FAAH2: variants seen among roughly 807,000 people sequenced by gnomAD.
FAAH2 encodes the protein fatty acid amide hydrolase 2.
A neutral mutation model predicts 36.9 loss-of-function variants in FAAH2; 60 were observed. The observed-to-expected ratio is 1.63, with a 90% CI of 1.32 to 2.02. The LOEUF is 2.02. Ranked by LOEUF, FAAH2 falls within the 30% of genes most tolerant of loss-of-function variation. FAAH2 has a pLI of 0.00. For synonymous variants in FAAH2, 214 were observed against 143.8 expected (o/e 1.49, Z -3.49); for missense variants, 689 against 397.5 (o/e 1.73, Z -6.23).
chrX:57,258,264 C>T, the FAAH2 span, among the ~76,000 whole-genome samples: 1 of 111,035 alleles, frequency 9.0e-6, no homozygotes, highest in Non-Finnish European at 1.9e-5. Context: ...AAACTGGATC[C>T]TTATCACAAA....
chrX:57,154,934 G>C, the FAAH2 span, among the ~76,000 whole-genome samples: 1 of 110,528 alleles, frequency 9.0e-6, no homozygotes, highest in Non-Finnish European at 1.9e-5. Context: ...TGTAGTGATC[G>C]TTATTTCTCT....
At chrX:57,403,570 G>T (rs2055492864) in intron 7 of FAAH2, among the ~76,000 whole-genome samples, 1 of 112,878 alleles carries the variant, frequency 8.9e-6, no homozygotes, top group Middle Eastern at 4.2e-3. Flanking sequence ...TTCAGAGAGG[G>T]TGTGGGTAAC....
the FAAH2 span, among the ~76,000 whole-genome samples, chrX:57,258,709 CT>C: frequency 0.018 from 1,561 of 87,764 alleles, 30 homozygotes; most frequent in African/African-American, 0.052. Context: ...TTTTTGTTGC[CT>C]TTTTTTTTTT....
chrX:57,290,512 C>T (rs1217016387), intron 1 of FAAH2, among the ~76,000 whole-genome samples: 1 of 111,377 alleles, frequency 9.0e-6, no homozygotes, highest in East Asian at 2.8e-4. Flanking sequence ...ATAAATCTCC[C>T]CTGTATCTAT....
At position 57,438,422 on chromosome X, in the gene FAAH2, G is replaced by A. The variant is rs1310751909; in HGVS notation, c.1116+6385G>A. Reference sequence around the variant, plus strand: ...ATCAGTAAAACTACAAAATGCTGATGAAAGAAAAAGTAGATGACACAAATA... The same window carrying A: ...ATCAGTAAAACTACAAAATGCTGATAAAAGAAAAAGTAGATGACACAAATA... On this transcript the variant is annotated intron_variant, in intron 8 of 10. Coordinates refer to ENST00000374900, the MANE Select transcript of FAAH2 (RefSeq NM_174912.4). Among the ~76,000 whole-genome samples the A allele has an allele frequency of 1.6e-4, 17 of 106,145 alleles. No individual in the cohort carries two copies. In the Admixed American group the frequency reaches 1.7e-3, roughly 11 times the overall value. The allele number at this position is 106,145 out of a possible 115,157, so 92.2% of individuals were successfully genotyped here.
chrX:57,273,036 C>T, the FAAH2 span, among the ~76,000 whole-genome samples: 1 of 111,691 alleles, frequency 9.0e-6, no homozygotes, highest in South Asian at 3.8e-4. Flanking sequence ...TGCAAAGACA[C>T]ACATAGGCTC....
the FAAH2 span, among the ~76,000 whole-genome samples, chrX:57,122,973 T>G: frequency 8.9e-6 from 1 of 112,075 alleles, no homozygotes; most frequent in Non-Finnish European, 1.9e-5. Flanking sequence ...TGTCATAGTT[T>G]CAGTGAGGGC....
At chrX:57,471,769 G>T (rs1306046247) in intron 10 of FAAH2, among the ~76,000 whole-genome samples, 8 of 111,501 alleles carry the variant, frequency 7.2e-5, no homozygotes, top group Non-Finnish European at 1.5e-4. Flanking sequence ...AACCAAAAAA[G>T]AGCCCGCATT....
At chrX:57,192,562 T>A in the FAAH2 span, among the ~76,000 whole-genome samples, 1 of 111,430 alleles carries the variant, frequency 9.0e-6, no homozygotes, top group Admixed American at 9.5e-5. Flanking sequence ...TTTTTCCACA[T>A]TCTGGATGAT....
chrX:57,184,171 C>T, the FAAH2 span, among the ~76,000 whole-genome samples: 6 of 111,548 alleles, frequency 5.4e-5, no homozygotes, highest in African/African-American at 2.0e-4. Context: ...TGTCGTTTGT[C>T]CTGTCATCTT....
intron 7 of FAAH2, chrX:57,393,670 T>A (rs1242423346): frequency 1.9e-5 from 19 of 979,690 alleles, no homozygotes; most frequent in Non-Finnish European, 2.8e-5. Flanking sequence ...TCTTACTGGA[T>A]GCCACCACCA....
the FAAH2 span, among the ~76,000 whole-genome samples, chrX:57,204,981 G>A: frequency 2.0e-4 from 22 of 112,286 alleles, no homozygotes; most frequent in Admixed American, 1.9e-3. Flanking sequence ...AAGCTGGAAC[G>A]CCATCACCAC....
At chrX:57,158,947 G>T in the FAAH2 span, among the ~76,000 whole-genome samples, 3 of 112,116 alleles carry the variant, frequency 2.7e-5, no homozygotes, top group Non-Finnish European at 3.8e-5. Flanking sequence ...GTATTGCCTA[G>T]GTTTTCTTCT....
In FAAH2 at chrX:57,488,673, T is replaced by C. The variant is rs368111453; in HGVS notation, c.1424-84T>C. On this transcript the variant is annotated intron_variant, in intron 10 of 10. Transcript: ENST00000374900. ...TAAATTATAATTATATATTTTCACCTATTTATTATTGGTAAAATAATTGAA... is the reference window on the plus strand; with the variant it reads ...TAAATTATAATTATATATTTTCACCCATTTATTATTGGTAAAATAATTGAA... 33 of 897,595 alleles carry C rather than the reference T, an allele frequency of 3.7e-5. No homozygotes were observed. The East Asian group carries it at 8.9e-4, about 24-fold the overall frequency. The allele number at this position is 897,595 out of a possible 1,213,427, so 74.0% of individuals were successfully genotyped here. A position where few individuals can be genotyped will look rare whatever the true frequency, so the allele number is the denominator to read the frequency against.
chrX:57,355,382 T>G (rs1033186961), intron 5 of FAAH2, among the ~76,000 whole-genome samples: 3 of 111,087 alleles, frequency 2.7e-5, no homozygotes, highest in African/African-American at 9.8e-5. Context: ...AACAATTAGG[T>G]GTCAACCCAT....
the FAAH2 span, among the ~76,000 whole-genome samples, chrX:57,160,845 G>T: frequency 8.9e-6 from 1 of 111,798 alleles, no homozygotes; most frequent in African/African-American, 3.3e-5. Context: ...AGGGTTTTTT[G>T]TGTCTTTATT....
At chrX:57,194,485 AT>A in the FAAH2 span, among the ~76,000 whole-genome samples, 4 of 110,194 alleles carry the variant, frequency 3.6e-5, no homozygotes, top group African/African-American at 1.3e-4. Flanking sequence ...TAATTTATTC[AT>A]TTCAATTTTA....
intron 8 of FAAH2, among the ~76,000 whole-genome samples, chrX:57,436,922 C>A (rs903189334): frequency 9.0e-6 from 1 of 110,935 alleles, no homozygotes. Context: ...TACAAGAACA[C>A]AACAACCACA....
At chrX:57,302,591 G>A (rs1292625845) in intron 2 of FAAH2, among the ~76,000 whole-genome samples, 1 of 111,074 alleles carries the variant, frequency 9.0e-6, no homozygotes, top group Non-Finnish European at 1.9e-5. Flanking sequence ...CTGGAGAGGT[G>A]TCAGAAAAGG....
Sources: gnomAD v4.1 joint callset for allele counts (sites outside exome capture counted in the v4.1 genomes callset) on GRCh38, gnomAD v4.1.1 for gene constraint, MANE v1.5 for transcripts, NCBI Gene and HGNC (gene_info 2026-07-23, HGNC 2026-07-21) for gene names.